ST18: variants seen among roughly 807,000 people sequenced by gnomAD.
ST18 encodes ST18 C2H2C-type zinc finger transcription factor, also known as suppression of tumorigenicity 18 protein.
Under a neutral mutation model 110.0 loss-of-function variants are expected in ST18, and 50 were observed. The ratio of observed to expected loss-of-function variants is 0.45; its 90% confidence interval spans 0.36 to 0.58. The LOEUF (loss-of-function observed/expected upper bound fraction) is 0.58. ST18 is among the 20% of genes least tolerant of loss of function. The pLI is 0.00. For missense variants in ST18, 1,306 were observed against 1,280.1 expected (o/e 1.02, Z -0.31); for synonymous variants, 461 against 452.4 (o/e 1.02, Z -0.24).
intron 8 of ST18, among the ~76,000 whole-genome samples, chr8:52,202,063 G>A (rs2078165003): frequency 6.6e-6 from 1 of 152,200 alleles, no homozygotes; most frequent in African/African-American, 2.4e-5. Flanking sequence ...TTTTAAAGGG[G>A]CCAGAACTAG....
At chr8:52,308,854 C>G (rs915035325) in intron 2 of ST18, among the ~76,000 whole-genome samples, 1 of 152,186 alleles carries the variant, frequency 6.6e-6, no homozygotes, top group Non-Finnish European at 1.5e-5. Flanking sequence ...CTCAGGGGGA[C>G]TGGGGTAGTT....
At chr8:52,180,438 T>C (rs574690483) in intron 8 of ST18, 126 bp from the exon 9 acceptor site, 1 of 970,074 alleles carries the variant, frequency 1.0e-6, no homozygotes, top group African/African-American at 1.6e-5. Flanking sequence ...GGTTGGTTAC[T>C]GGCACTAACA....
At chr8:52,395,356 C>T (rs1840726193) in intron 2 of ST18, among the ~76,000 whole-genome samples, 1 of 152,168 alleles carries the variant, frequency 6.6e-6, no homozygotes, top group African/African-American at 2.4e-5. Flanking sequence ...AACAAAACTG[C>T]AAGTAGGGAG....
At chr8:52,175,632 G>A (rs777867951) in intron 9 of ST18, among the ~76,000 whole-genome samples, 2 of 152,026 alleles carry the variant, frequency 1.3e-5, no homozygotes, top group Non-Finnish European at 2.9e-5. Flanking sequence ...TCCCTCCTAG[G>A]ACAACAAACT....
At chr8:52,239,281 A>T (rs2137463087) in intron 2 of ST18, among the ~76,000 whole-genome samples, 1 of 152,328 alleles carries the variant, frequency 6.6e-6, no homozygotes, top group East Asian at 1.9e-4. Context: ...GACCATGGTG[A>T]TGAATGCAAA....
chr8:52,333,287 T>G (rs1281892577), intron 2 of ST18, among the ~76,000 whole-genome samples: 2 of 147,556 alleles, frequency 1.4e-5, no homozygotes, highest in Admixed American at 1.3e-4. Flanking sequence ...AAGACCTGCA[T>G]AGCATTTTCT....
intron 2 of ST18, among the ~76,000 whole-genome samples, chr8:52,381,715 A>T (rs1281781024): frequency 6.6e-6 from 1 of 152,188 alleles, no homozygotes; most frequent in African/African-American, 2.4e-5. Context: ...TCATCAATTA[A>T]TACTGAGCAC....
At chr8:52,128,874 A>G (rs1259434465) in intron 22 of ST18, among the ~76,000 whole-genome samples, 1 of 152,220 alleles carries the variant, frequency 6.6e-6, no homozygotes, top group African/African-American at 2.4e-5. Flanking sequence ...TTTTAAAGGA[A>G]TAAACTGTAC....
chr8:52,195,153 T>C (rs1486446198), intron 8 of ST18, among the ~76,000 whole-genome samples: 1 of 152,192 alleles, frequency 6.6e-6, no homozygotes, highest in Non-Finnish European at 1.5e-5. Flanking sequence ...AAAAACGTAA[T>C]ATGATGGATC....
At chr8:52,146,070 T>A (rs1049472020) in intron 16 of ST18, among the ~76,000 whole-genome samples, 4 of 152,078 alleles carry the variant, frequency 2.6e-5, no homozygotes, top group Non-Finnish European at 5.9e-5. Flanking sequence ...CAATTTCTGG[T>A]TGTGTATGTG....
chr8:52,362,515 C>T (rs1010245074), intron 2 of ST18, among the ~76,000 whole-genome samples: 2 of 152,180 alleles, frequency 1.3e-5, no homozygotes, highest in Non-Finnish European at 2.9e-5. Context: ...AGTACAACCT[C>T]AACCTACAAA....
In ST18 at chr8:52,137,416, G is replaced by A; in HGVS notation, c.2231+5C>T. 6.2e-7 allele frequency: 1 copy of A among 1,613,994 alleles called. No homozygotes were observed. The highest frequency in any genetic ancestry group is 1.1e-5 in the South Asian group (1 of 91,058). On this transcript the variant is annotated splice_donor_5th_base_variant and intron_variant, in intron 18 of 25. Transcript: ENST00000689386. ...AATCTGACTGCACATGAGGTCATTGGGTACCTGCGATGAGATGCATAGTTT... is the reference window on the plus strand; with the variant it reads ...AATCTGACTGCACATGAGGTCATTGAGTACCTGCGATGAGATGCATAGTTT...
intron 2 of ST18, among the ~76,000 whole-genome samples, chr8:52,359,356 T>A (rs2140423525): frequency 6.6e-6 from 1 of 152,084 alleles, no homozygotes; most frequent in East Asian, 1.9e-4. Flanking sequence ...ATGTGAACTT[T>A]ACTTCAATTA....
chr8:52,392,118 G>T (rs2140987879), intron 2 of ST18, among the ~76,000 whole-genome samples: 1 of 152,342 alleles, frequency 6.6e-6, no homozygotes, highest in South Asian at 2.1e-4. Context: ...ACATTTATGT[G>T]CCAGGATCTG....
At chr8:52,290,105 T>C (rs2095532759) in intron 2 of ST18, among the ~76,000 whole-genome samples, 1 of 152,104 alleles carries the variant, frequency 6.6e-6, no homozygotes, top group African/African-American at 2.4e-5. Context: ...CCTCCTCACA[T>C]AGAGACCATC....
intron 10 of ST18, among the ~76,000 whole-genome samples, chr8:52,167,363 T>C (rs2063367016): frequency 1.3e-5 from 2 of 152,228 alleles, no homozygotes; most frequent in Non-Finnish European, 2.9e-5. Flanking sequence ...CCATTTCTTA[T>C]TGAAAGTCTA....
At chr8:52,292,429 T>C (rs941081557) in intron 2 of ST18, among the ~76,000 whole-genome samples, 2 of 152,202 alleles carry the variant, frequency 1.3e-5, no homozygotes, top group Non-Finnish European at 2.9e-5. Flanking sequence ...TGATTAAATA[T>C]ATTATGTGTG....
chr8:52,178,645 C>CAAAAAA lies in ST18; in HGVS notation c.277+1476_277+1477insTTTTTT, dbSNP rs1563897561. Reference sequence around the variant, plus strand: ...AAAAAAAAAAAAAAAAAAAAAAAACCACCAAAAACCAAAATAAAACAAACA... The same window carrying CAAAAAA: ...AAAAAAAAAAAAAAAAAAAAAAAACCAAAAAAACCAAAAACCAAAATAAAACAAACA... On this transcript the variant is annotated intron_variant, in intron 9 of 25. Transcript: ENST00000689386. Among the ~76,000 whole-genome samples, 103 of 30,098 alleles carry CAAAAAA rather than the reference C, an allele frequency of 3.4e-3. 21 individuals are homozygous for CAAAAAA. Among genetic ancestry groups the CAAAAAA allele is most frequent in the East Asian group, 0.011 (13 of 1,194 alleles). The allele number at this position is 30,098 out of a possible 152,430, so 19.7% of individuals were successfully genotyped here. A position where few individuals can be genotyped will look rare whatever the true frequency, so the allele number is the denominator to read the frequency against.
At chr8:52,214,319 T>C (rs1403998299) in intron 6 of ST18, 62 bp from the exon 7 acceptor site, 3 of 1,564,712 alleles carry the variant, frequency 1.9e-6, no homozygotes, top group Non-Finnish European at 2.6e-6. Context: ...TATGAAAACA[T>C]GTAATTAGAA....
Sources: allele counts gnomAD v4.1 joint callset (sites outside exome capture counted in the v4.1 genomes callset), GRCh38; gene constraint gnomAD v4.1.1; transcripts MANE v1.5; gene names NCBI Gene and HGNC (gene_info 2026-07-23, HGNC 2026-07-21).